Variants in FLRT2 observed in about 807,000 individuals in gnomAD.
FLRT2 encodes the protein leucine-rich repeat transmembrane protein FLRT2.
A neutral mutation model predicts 40.0 loss-of-function variants in FLRT2; 15 were observed. The observed-to-expected ratio is 0.38, with a 90% CI of 0.25 to 0.58. FLRT2 has a LOEUF of 0.58. FLRT2 is among the 20% of genes least tolerant of loss of function. FLRT2 has a pLI of 0.71. For missense variants in FLRT2, 726 were observed against 840.0 expected, an observed-to-expected ratio of 0.86 and a Z score of 1.68; for synonymous variants, 380 against 336.8, an observed-to-expected ratio of 1.13 and a Z score of -1.41.
In FLRT2 at chr14:85,624,876, T is replaced by G. The variant is rs1289524528; in HGVS notation, c.*1379T>G. 1 of 167,090 alleles carries G rather than the reference T, an allele frequency of 6.0e-6. No individual in the cohort carries two copies. Among genetic ancestry groups the G allele is most frequent in the Admixed American group, 6.5e-5 (1 of 15,286 alleles). 10.4% of individuals were successfully genotyped at this position (167,090 alleles called of 1,614,324 possible). A position where few individuals can be genotyped will look rare whatever the true frequency, so the allele number is the denominator to read the frequency against. ...AAAAAGCAATACCTGGTTTCCACCTTGGACTGACTTTGATCCTGTTCCACT... is the reference window on the plus strand; with the variant it reads ...AAAAAGCAATACCTGGTTTCCACCTGGGACTGACTTTGATCCTGTTCCACT... On this transcript the variant is annotated 3_prime_UTR_variant, in exon 2 of 2. Coordinates refer to ENST00000330753, the MANE Select transcript of FLRT2 (RefSeq NM_013231.6).
intron 1 of FLRT2, among the ~76,000 whole-genome samples, chr14:85,553,511 T>C (rs1270470874): frequency 6.6e-6 from 1 of 152,166 alleles, no homozygotes; most frequent in Non-Finnish European, 1.5e-5. Flanking sequence ...TTAAGAACAT[T>C]TATGAATTTT....
Position 85,641,400 on chromosome 14 carries a change from C to G in FLRT2, c.*17903C>G, listed in dbSNP as rs1894145613. The G allele has an allele frequency of 6.6e-6, 1 of 152,224 alleles. No individual in the cohort carries two copies. The highest frequency in any genetic ancestry group is 1.5e-5 in the Non-Finnish European group (1 of 68,046). The allele number at this position is 152,224 out of a possible 1,614,324, so 9.4% of individuals were successfully genotyped here. A position where few individuals can be genotyped will look rare whatever the true frequency, so the allele number is the denominator to read the frequency against. On this transcript the variant is annotated 3_prime_UTR_variant, in exon 2 of 2. Transcript: ENST00000330753. ...TCAAGGTAGAAGTGAAGTGGAAACT[C>G]TCTTCTTACTAATGTCAGTCTTGGG...
In FLRT2 at chr14:85,622,379, C is replaced by T. The variant is rs1218054037; in HGVS notation, c.865C>T (p.Arg289Trp). ...ERLDISNNQL[R>W]MLTQGVFDNL... ...GCTGGATATATCCAACAACCAACTG[C>T]GGATGCTGACTCAAGGGGTTTTTGA... Residue 289 changes from arginine (R) to tryptophan (W), a missense_variant, in exon 2 of 2, where the codon CGG becomes TGG. By Grantham distance (101) the Arg-to-Trp change is moderately radical (BLOSUM62 -3). Coordinates refer to ENST00000330753, the MANE Select transcript of FLRT2 (RefSeq NM_013231.6). 1 of 1,614,032 alleles carries T rather than the reference C, an allele frequency of 6.2e-7. No individual in the cohort carries two copies. The highest frequency in any genetic ancestry group is 8.5e-7 in the Non-Finnish European group (1 of 1,180,030).
rs891674181 is a variant in FLRT2 at position 85,651,487 on chromosome 14, C to T, written c.*27990C>T. The T allele has an allele frequency of 1.3e-5, 2 of 151,840 alleles. No individual in the cohort carries two copies. Among genetic ancestry groups the T allele is most frequent in the Non-Finnish European group, 2.9e-5 (2 of 67,950 alleles). The allele number at this position is 151,840 out of a possible 1,614,324, so 9.4% of individuals were successfully genotyped here. Reference sequence around the variant, plus strand: ...TGAGATAATGGGTTAAATGTATGTGCCTGTGTCCATTTATTTCAATAATAT... The same window carrying T: ...TGAGATAATGGGTTAAATGTATGTGTCTGTGTCCATTTATTTCAATAATAT... On this transcript the variant is annotated 3_prime_UTR_variant, in exon 2 of 2. Coordinates refer to ENST00000330753, the MANE Select transcript of FLRT2 (RefSeq NM_013231.6).
At chr14:85,539,293 G>A (rs1016850019) in intron 1 of FLRT2, among the ~76,000 whole-genome samples, 2 of 152,104 alleles carry the variant, frequency 1.3e-5, no homozygotes, top group South Asian at 4.2e-4. Context: ...TCATACAGAT[G>A]TAGAATTCTG....
At chr14:85,583,477 A>G (rs887258844) in intron 1 of FLRT2, among the ~76,000 whole-genome samples, 2 of 152,160 alleles carry the variant, frequency 1.3e-5, no homozygotes, top group Admixed American at 1.3e-4. Flanking sequence ...TCAAATGTGG[A>G]TTAAAGCAAT....
At position 85,623,486 on chromosome 14, in the gene FLRT2, T is replaced by A. The variant is rs1477136748; in HGVS notation, c.1972T>A (p.Cys658Ser). Residue 658 changes from cysteine (C) to serine (S), a missense_variant, in exon 2 of 2, where the codon TGC (cysteine) becomes AGC (serine). Cys to Ser is a moderately radical substitution (Grantham distance 112). Transcript: ENST00000330753. ...CNSSVPDLEH[C>S]HT ...CAGCAGCGTGCCAGACCTGGAGCAC[T>A]GCCATACGTGACAGCCAGAGGCCCA... The A allele has an allele frequency of 1.4e-6, 2 of 1,434,538 alleles. No homozygotes were observed. Among genetic ancestry groups the A allele is most frequent in the Non-Finnish European group, 1.8e-6 (2 of 1,092,872 alleles). 88.9% of individuals were successfully genotyped at this position (1,434,538 alleles called of 1,614,324 possible).
At chr14:85,536,300 G>A (rs191307233) in intron 1 of FLRT2, among the ~76,000 whole-genome samples, 31 of 152,060 alleles carry the variant, frequency 2.0e-4, no homozygotes, top group Admixed American at 1.6e-3. Flanking sequence ...ATTCTGTAGA[G>A]ACCCAGTGTG....
At chr14:85,586,883 T>A (rs565988988) in intron 1 of FLRT2, among the ~76,000 whole-genome samples, 11 of 152,274 alleles carry the variant, frequency 7.2e-5, no homozygotes, top group East Asian at 1.9e-4. Flanking sequence ...TTTCTCAAAG[T>A]CAGAAGAAAG....
chr14:85,581,804 C>T (rs890979143), intron 1 of FLRT2, among the ~76,000 whole-genome samples: 4 of 152,110 alleles, frequency 2.6e-5, no homozygotes, highest in Admixed American at 1.3e-4. Flanking sequence ...ACCCACGTTT[C>T]ATTTGAGTAA....
chr14:85,597,362 C>T (rs138034170), intron 1 of FLRT2, among the ~76,000 whole-genome samples: 18 of 152,188 alleles, frequency 1.2e-4, no homozygotes, highest in African/African-American at 4.3e-4. Flanking sequence ...ATTTAGAGAA[C>T]GTTGATTTCT....
intron 1 of FLRT2, among the ~76,000 whole-genome samples, chr14:85,612,728 A>G (rs990727437): frequency 3.9e-5 from 6 of 152,202 alleles, no homozygotes; most frequent in East Asian, 3.9e-4. Context: ...GTAAAAACCT[A>G]TTTATTCAGT....
chr14:85,544,807 C>A (rs1889186053), intron 1 of FLRT2, among the ~76,000 whole-genome samples: 1 of 152,160 alleles, frequency 6.6e-6, no homozygotes. Flanking sequence ...GGTAGATTGC[C>A]ATTTGATGGA....
chr14:85,566,549 T>TGTGTGTGTGTG (rs1890621506), intron 1 of FLRT2, among the ~76,000 whole-genome samples: 1 of 130,826 alleles, frequency 7.6e-6, no homozygotes, highest in African/African-American at 2.6e-5. Context: ...ACTTCCATGG[T>TGTGTGTGTGTG]TGTGTGTGTG....
Position 85,621,216 on chromosome 14 carries a change from G to A in FLRT2, c.-299G>A, listed in dbSNP as rs1893364093. On this transcript the variant is annotated 5_prime_UTR_variant, in exon 2 of 2. Coordinates refer to ENST00000330753, the MANE Select transcript of FLRT2 (RefSeq NM_013231.6). ...ACCTACAAAAGAAGAAGAGAGTTCT[G>A]CCTGCCCACTTGGGCTTGTGTTGAC... 2.4e-6 allele frequency: 1 copy of A among 418,310 alleles called. No individual in the cohort carries two copies. The highest frequency in any genetic ancestry group is 2.0e-5 in the African/African-American group (1 of 49,996). 25.9% of individuals were successfully genotyped at this position (418,310 alleles called of 1,614,324 possible). A position where few individuals can be genotyped will look rare whatever the true frequency, so the allele number is the denominator to read the frequency against.
chr14:85,607,330 G>A (rs373234481), intron 1 of FLRT2, among the ~76,000 whole-genome samples: 6 of 152,134 alleles, frequency 3.9e-5, no homozygotes, highest in Admixed American at 6.5e-5. Flanking sequence ...GTACAGTAAG[G>A]GATTGATGCA....
chr14:85,650,091 C>G lies in FLRT2; in HGVS notation c.*26594C>G, dbSNP rs1173912068. The stretch of plus-strand genomic sequence containing the variant: ...CAAATACAATTGAAGCCCTTGAACC[C>G]CTCACCTGTCACACTATCCTCTTTG... On this transcript the variant is annotated 3_prime_UTR_variant, in exon 2 of 2. Transcript: ENST00000330753. 2 of 151,958 alleles carry G rather than the reference C, an allele frequency of 1.3e-5. No individual in the cohort carries two copies. The highest frequency in any genetic ancestry group is 2.9e-5 in the Non-Finnish European group (2 of 67,934). The allele number at this position is 151,958 out of a possible 1,614,324, so 9.4% of individuals were successfully genotyped here. A position where few individuals can be genotyped will look rare whatever the true frequency, so the allele number is the denominator to read the frequency against.
chr14:85,566,872 G>A (rs923486320), intron 1 of FLRT2, among the ~76,000 whole-genome samples: 1 of 151,882 alleles, frequency 6.6e-6, no homozygotes, highest in African/African-American at 2.4e-5. Context: ...AATTAGTCAT[G>A]ATGAAAAAGC....
chr14:85,592,549 G>A (rs1891938572), intron 1 of FLRT2, among the ~76,000 whole-genome samples: 1 of 152,048 alleles, frequency 6.6e-6, no homozygotes, highest in Non-Finnish European at 1.5e-5. Flanking sequence ...AGCACTTTGG[G>A]AGGCCAAGGT....
Sources: allele counts gnomAD v4.1 joint callset (sites outside exome capture counted in the v4.1 genomes callset), GRCh38; gene constraint gnomAD v4.1.1; transcripts MANE v1.5; gene names NCBI Gene and HGNC (gene_info 2026-07-23, HGNC 2026-07-21).